CCDC136: variants seen among roughly 807,000 people sequenced by gnomAD.
The protein encoded by CCDC136 is coiled-coil domain-containing protein 136.
In CCDC136, 100 loss-of-function variants were observed where a neutral mutation model predicts 141.2. That is an observed-to-expected ratio of 0.71 (90% confidence interval 0.60 to 0.84). CCDC136 has a LOEUF of 0.84. Ranked by LOEUF, CCDC136 falls within the 40% of genes least tolerant of loss-of-function variation. The pLI, the probability that CCDC136 is intolerant of heterozygous loss-of-function variation, is 0.00. For missense variants in CCDC136, 1,206 were observed against 1,379.4 expected, an observed-to-expected ratio of 0.87 and a Z score of 1.99; for synonymous variants, 474 against 531.9, an observed-to-expected ratio of 0.89 and a Z score of 1.50.
At chr7:128,797,350 G>C (rs1363071751) in intron 3 of CCDC136, among the ~76,000 whole-genome samples, 9 of 152,280 alleles carry the variant, frequency 5.9e-5, no homozygotes, top group Admixed American at 2.0e-4. Flanking sequence ...GCATATAATT[G>C]GCATTAGAAT....
In CCDC136 at chr7:128,805,906, A is replaced by G. The variant is rs1184556170; in HGVS notation, c.1089+5A>G. The G allele has an allele frequency of 1.2e-6, 2 of 1,613,652 alleles. No individual in the cohort carries two copies. The highest frequency in any genetic ancestry group is 4.5e-5 in the East Asian group (2 of 44,864). On this transcript the variant is annotated splice_donor_5th_base_variant and intron_variant, in intron 7 of 17. Transcript: ENST00000297788. The surrounding 1 kb of genome is among the most constrained non-coding windows in gnomAD (Gnocchi z 4.6). ...ACCTCCCACAGTGTCACCCAGGTAA[A>G]CACTGCCCGGGGAGGCATCTGGGGT...
At position 128,792,218 on chromosome 7, in the gene CCDC136, C is replaced by A; in HGVS notation, c.-194C>A. Reference sequence around the variant, plus strand: ...GCACCTCCACTGGGATTACAGATCCCAGAGCCTCGAGGAGCTGGAAGACAT... The same window carrying A: ...GCACCTCCACTGGGATTACAGATCCAAGAGCCTCGAGGAGCTGGAAGACAT... On this transcript the variant is annotated 5_prime_UTR_variant, in exon 1 of 18. Coordinates refer to ENST00000297788, the MANE Select transcript of CCDC136 (RefSeq NM_022742.5). 1.3e-6 allele frequency: 2 copies of A among 1,498,470 alleles called. No homozygotes were observed. The highest frequency in any genetic ancestry group is 1.8e-6 in the Non-Finnish European group (2 of 1,128,216). 92.8% of individuals were successfully genotyped at this position (1,498,470 alleles called of 1,614,324 possible).
At chr7:128,810,510 G>T in intron 12 of CCDC136, 144 bp downstream of exon 12, 3 of 628,004 alleles carry the variant, frequency 4.8e-6, no homozygotes, top group East Asian at 5.5e-5. Flanking sequence ...TTCACCAGCT[G>T]TGACCACTCA....
chr7:128,806,914 T>C (rs1032557689), intron 9 of CCDC136, 56 bp downstream of exon 9: 34 of 1,527,532 alleles, frequency 2.2e-5, no homozygotes, highest in Non-Finnish European at 2.2e-5. Flanking sequence ...TGTGTGAGGG[T>C]GAGAGCACAG....
At chr7:128,818,846 T>C (rs530523684) in intron 17 of CCDC136, among the ~76,000 whole-genome samples, 4 of 152,262 alleles carry the variant, frequency 2.6e-5, no homozygotes, top group African/African-American at 9.6e-5. Context: ...CATTGGCTCC[T>C]CTCTCATGCT....
Position 128,822,049 on chromosome 7 carries a change from G to T in CCDC136, c.*256G>T, listed in dbSNP as rs960538557. 8.4e-6 allele frequency: 10 copies of T among 1,196,204 alleles called. No homozygotes were observed. Among genetic ancestry groups the T allele is most frequent in the Non-Finnish European group, 1.1e-5 (10 of 943,350 alleles). The allele number at this position is 1,196,204 out of a possible 1,614,324, so 74.1% of individuals were successfully genotyped here. On this transcript the variant is annotated 3_prime_UTR_variant, in exon 18 of 18. Coordinates refer to ENST00000297788, the MANE Select transcript of CCDC136 (RefSeq NM_022742.5). Reference sequence around the variant, plus strand: ...AGCCTCAGTCACCCAGGCTGAAAAGGCTTGTGGGGAGCGGCTGACTTCCAT... The same window carrying T: ...AGCCTCAGTCACCCAGGCTGAAAAGTCTTGTGGGGAGCGGCTGACTTCCAT...
In CCDC136 at chr7:128,806,362, G is replaced by T; in HGVS notation, c.1215G>T (p.Met405Ile). The change falls in exon 8 of 18, where the codon ATG (methionine) becomes ATT (isoleucine). Residue 405 changes from methionine to isoleucine, a missense_variant. Physicochemically the swap from Met to Ile is conservative, Grantham distance 10. Transcript: ENST00000297788. ...CTGAGCTCCGGCAGCTCAAAGTCAT[G>T]AAATCCACACTTGTAGAAAACCAGA... ...LQTELRQLKV[M>I]KSTLVENQSE... The T allele has an allele frequency of 6.2e-7, 1 of 1,605,442 alleles. No individual in the cohort carries two copies. Among genetic ancestry groups the T allele is most frequent in the South Asian group, 1.1e-5 (1 of 88,852 alleles).
At chr7:128,808,916 G>A in intron 10 of CCDC136, 1 of 985,240 alleles carries the variant, frequency 1.0e-6, no homozygotes, top group Non-Finnish European at 1.2e-6. Context: ...TTGGAAATGG[G>A]ATGATTTAGT....
chr7:128,806,497 C>A, intron 8 of CCDC136, 102 bp downstream of exon 8: 1 of 1,212,662 alleles, frequency 8.2e-7, no homozygotes, highest in African/African-American at 1.5e-5. Context: ...ATAATTCCAG[C>A]AACCACATAG....
chr7:128,811,527 A>T (rs527472086), intron 12 of CCDC136, among the ~76,000 whole-genome samples: 2 of 152,202 alleles, frequency 1.3e-5, no homozygotes, highest in Non-Finnish European at 2.9e-5. Flanking sequence ...CACTGCTCCA[A>T]GGAGACAGGG....
chr7:128,799,172 T>A (rs1217299415), intron 3 of CCDC136, among the ~76,000 whole-genome samples: 2 of 51,328 alleles, frequency 3.9e-5, no homozygotes, highest in African/African-American at 1.0e-4. Context: ...ATCTCTACAT[T>A]AAAAAAAAAA....
intron 3 of CCDC136, among the ~76,000 whole-genome samples, chr7:128,797,202 G>A (rs1194914279): frequency 6.6e-6 from 1 of 152,186 alleles, no homozygotes; most frequent in Non-Finnish European, 1.5e-5. Context: ...TGGGGCTAGG[G>A]GAGCCATTTA....
chr7:128,814,000 TAATA>T (rs1806179524), intron 14 of CCDC136, among the ~76,000 whole-genome samples: 1 of 151,918 alleles, frequency 6.6e-6, no homozygotes, highest in African/African-American at 2.4e-5. Flanking sequence ...AAGAATTATA[TAATA>T]AATCCCTGAG....
chr7:128,812,177 G>T lies in CCDC136; in HGVS notation c.2406G>T (p.Lys802Asn), dbSNP rs1805834836. The T allele has an allele frequency of 6.2e-7, 1 of 1,613,904 alleles. No homozygotes were observed. The highest frequency in any genetic ancestry group is 8.5e-7 in the Non-Finnish European group (1 of 1,179,902). ...CCAGTGCCAGTGAGGCCTATGGGAA[G>T]AGTTACTGCACTACCAGCAACAGCA... ...SSTSASEAYG[K>N]SYCTTSNSSI... The change falls in exon 13 of 18, where the codon AAG becomes AAT. Residue 802 changes from lysine to asparagine, a missense_variant. Transcript: ENST00000297788.
intron 17 of CCDC136, among the ~76,000 whole-genome samples, chr7:128,818,761 G>T (rs1054130285): frequency 1.3e-5 from 2 of 152,182 alleles, no homozygotes; most frequent in Non-Finnish European, 2.9e-5. Flanking sequence ...GGCAGAATGT[G>T]GTCTTACGGC....
intron 10 of CCDC136, among the ~76,000 whole-genome samples, chr7:128,808,206 T>A (rs1334284602): frequency 6.6e-6 from 1 of 152,078 alleles, no homozygotes; most frequent in Admixed American, 6.5e-5. Flanking sequence ...CTGGCTAATT[T>A]TTGTATTTTT....
chr7:128,810,461 T>C, intron 12 of CCDC136, 95 bp downstream of exon 12: 1 of 880,854 alleles, frequency 1.1e-6, no homozygotes, highest in Non-Finnish European at 1.8e-6. Context: ...TGGGAAGGCG[T>C]GTTTGGCCAG....
intron 3 of CCDC136, among the ~76,000 whole-genome samples, 176 bp from the exon 4 acceptor site, chr7:128,801,010 T>G (rs1029261545): frequency 6.6e-6 from 1 of 152,186 alleles, no homozygotes; most frequent in East Asian, 1.9e-4. Context: ...TCTTTTCCCT[T>G]CTTAGGTACT....
rs932806385 is a variant in CCDC136, at chr7:128,814,631, C to T, written c.2764-7C>T. 4 of 1,550,752 alleles carry T rather than the reference C, an allele frequency of 2.6e-6. No homozygotes were observed. The highest frequency in any genetic ancestry group is 3.5e-6 in the Non-Finnish European group (4 of 1,148,650). Reference sequence around the variant, plus strand: ...ACTCTGGGTAACTGGCCCTCCACTACCAACAGATCAAAGAACTGCAGACCA... The same window carrying T: ...ACTCTGGGTAACTGGCCCTCCACTATCAACAGATCAAAGAACTGCAGACCA... On this transcript the variant is annotated splice_region_variant and splice_polypyrimidine_tract_variant and intron_variant, in intron 14 of 17. Transcript: ENST00000297788.
Sources: allele counts gnomAD v4.1 joint callset (sites outside exome capture counted in the v4.1 genomes callset), GRCh38; gene constraint gnomAD v4.1.1; non-coding constraint Gnocchi (gnomAD v3.1); transcripts MANE v1.5; gene names NCBI Gene and HGNC (gene_info 2026-07-23, HGNC 2026-07-21).